The following SLC12A7 variants were observed in gnomAD, a reference collection of about 807,000 sequenced individuals.
SLC12A7 encodes K-Cl cotransporter 4.
SLC12A7 carries 100 observed loss-of-function variants against 120.6 expected under a neutral mutation model. That is an observed-to-expected ratio of 0.83 (90% confidence interval 0.71 to 0.98). SLC12A7 has a LOEUF of 0.98. Ranked by LOEUF, SLC12A7 falls within the 50% of genes least tolerant of loss-of-function variation. The probability of loss-of-function intolerance (pLI) is 0.00; values close to 1 mark genes in which losing one functional copy is unlikely to be tolerated. For missense variants in SLC12A7, 1,373 were observed against 1,548.1 expected, an observed-to-expected ratio of 0.89 and a Z score of 1.90; for synonymous variants, 760 against 678.0, an observed-to-expected ratio of 1.12 and a Z score of -1.88.
Position 1,076,256 on chromosome 5 carries a change from C to G in SLC12A7, c.1749-20G>C, listed in dbSNP as rs770116451. ...AAGAACCTGCAGGGACGGCCGGCCA[C>G]TGATACGGGCCCACTGGGCCCCCCT... On this transcript the variant is annotated intron_variant, in intron 13 of 23. Transcript: ENST00000264930. 1 of 1,584,264 alleles carries G rather than the reference C, an allele frequency of 6.3e-7. No individual in the cohort carries two copies. Among genetic ancestry groups the G allele is most frequent in the Admixed American group, 1.8e-5 (1 of 56,600 alleles).
the SLC12A7 span, among the ~76,000 whole-genome samples, chr5:1,132,261 C>T: frequency 1.1e-4 from 17 of 152,260 alleles, 1 homozygote; most frequent in South Asian, 1.9e-3. Context: ...GGGAAGCTAC[C>T]CTCTATGGCC....
chr5:1,114,721 G>C (rs1056883889), upstream of SLC12A7, among the ~76,000 whole-genome samples: 1 of 152,132 alleles, frequency 6.6e-6, no homozygotes, highest in African/African-American at 2.4e-5. Context: ...CTGGAGCCAG[G>C]GGACTGCTGG....
chr5:1,132,329 A>G, the SLC12A7 span, among the ~76,000 whole-genome samples: 22 of 152,298 alleles, frequency 1.4e-4, no homozygotes, highest in East Asian at 4.3e-3. Context: ...TGGAAAATTC[A>G]TGAAAAATCC....
At chr5:1,066,206 T>C (rs1184278592) in intron 17 of SLC12A7, among the ~76,000 whole-genome samples, 1 of 152,162 alleles carries the variant, frequency 6.6e-6, no homozygotes, top group Non-Finnish European at 1.5e-5. Context: ...CACCTGATTC[T>C]CCCTTTTGGA....
the SLC12A7 span, among the ~76,000 whole-genome samples, chr5:1,141,522 G>C: frequency 3.3e-5 from 5 of 152,222 alleles, no homozygotes; most frequent in African/African-American, 4.8e-5. Flanking sequence ...CCCCTGGCTT[G>C]TTTTCTGTAT....
chr5:1,148,303 T>C, the SLC12A7 span, among the ~76,000 whole-genome samples: 1 of 146,694 alleles, frequency 6.8e-6, no homozygotes, highest in African/African-American at 2.6e-5. Context: ...GCCTCCCAGG[T>C]TCACACCATT....
At chr5:1,153,732 G>A in the SLC12A7 span, among the ~76,000 whole-genome samples, 2 of 152,222 alleles carry the variant, frequency 1.3e-5, no homozygotes, top group Non-Finnish European at 2.9e-5. Flanking sequence ...CCGGCGACCT[G>A]CAGAATCACC....
chr5:1,068,860 C>A (rs1165960492), intron 17 of SLC12A7, among the ~76,000 whole-genome samples: 2 of 152,264 alleles, frequency 1.3e-5, no homozygotes, highest in Admixed American at 6.5e-5. Context: ...GCAATCCCTG[C>A]CCTGTCCCTC....
chr5:1,063,512 G>A (rs900537812), intron 20 of SLC12A7, among the ~76,000 whole-genome samples: 4 of 152,116 alleles, frequency 2.6e-5, no homozygotes, highest in Non-Finnish European at 4.4e-5. Flanking sequence ...CAACACACGG[G>A]GCTCTGTGCT....
chr5:1,140,583 G>T, the SLC12A7 span, among the ~76,000 whole-genome samples: 3 of 152,230 alleles, frequency 2.0e-5, no homozygotes, highest in African/African-American at 7.2e-5. Flanking sequence ...TGGGGTTCAG[G>T]ACGGTGCCAG....
chr5:1,094,048 T>C, intron 2 of SLC12A7, 106 bp downstream of exon 2: 1 of 812,448 alleles, frequency 1.2e-6, no homozygotes, highest in Non-Finnish European at 2.1e-6. Context: ...CCACGTGGTG[T>C]CCAGTCCTGT....
At position 1,051,349 on chromosome 5, in the gene SLC12A7, G is replaced by C. The variant is rs1338582012; in HGVS notation, c.*1011C>G. ...GCACCGGGGTGGGGATGGCACGTGT[G>C]AGCCAGCTCAGAGGCTGAACTGTGT... On this transcript the variant is annotated 3_prime_UTR_variant, in exon 24 of 24. Transcript: ENST00000264930. The C allele has an allele frequency of 7.0e-6, 1 of 143,396 alleles. No homozygotes were observed. Among genetic ancestry groups the C allele is most frequent in the Non-Finnish European group, 1.5e-5 (1 of 65,142 alleles). The allele number at this position is 143,396 out of a possible 1,614,324, so 8.9% of individuals were successfully genotyped here.
In SLC12A7 at chr5:1,079,299, C is replaced by G. The variant is rs1738729232; in HGVS notation, c.1396+99G>C. 24 of 916,490 alleles carry G rather than the reference C, an allele frequency of 2.6e-5. No individual in the cohort carries two copies. In the Admixed American group the frequency reaches 4.3e-4, roughly 16 times the overall value. The allele number at this position is 916,490 out of a possible 1,614,324, so 56.8% of individuals were successfully genotyped here. ...GAGCACAGCCTAACCTGGGAAGTCA[C>G]ATGCTGGTGGCCGAGGGTATGATGC... On this transcript the variant is annotated intron_variant, in intron 10 of 23. Transcript: ENST00000264930.
chr5:1,125,070 G>C, the SLC12A7 span, among the ~76,000 whole-genome samples: 1 of 152,272 alleles, frequency 6.6e-6, no homozygotes, highest in South Asian at 2.1e-4. Flanking sequence ...CAGCTATGTG[G>C]AAATGCACCC....
At chr5:1,087,743 G>C (rs528451546) in intron 5 of SLC12A7, among the ~76,000 whole-genome samples, 1 of 152,382 alleles carries the variant, frequency 6.6e-6, no homozygotes, top group East Asian at 1.9e-4. Flanking sequence ...CATGCACTCA[G>C]AAGCAGACGT....
chr5:1,115,913 A>G (rs1743302980), upstream of SLC12A7, among the ~76,000 whole-genome samples: 1 of 143,272 alleles, frequency 7.0e-6, no homozygotes, highest in South Asian at 2.1e-4. Flanking sequence ...ACCCAAGGCT[A>G]AAGTGATTTT....
intron 23 of SLC12A7, 73 bp from the exon 24 acceptor site, chr5:1,052,524 G>A (rs1735155612): frequency 6.5e-6 from 8 of 1,236,692 alleles, no homozygotes; most frequent in South Asian, 6.1e-5. Flanking sequence ...ATAGGAGTGA[G>A]GTTTATCCTC....
In SLC12A7 at chr5:1,076,688, G is replaced by A. The variant is rs1020679625; in HGVS notation, c.1748+6C>T. 6.2e-7 allele frequency: 1 copy of A among 1,601,638 alleles called. No homozygotes were observed. Among genetic ancestry groups the A allele is most frequent in the Non-Finnish European group, 8.5e-7 (1 of 1,172,106 alleles). On this transcript the variant is annotated splice_donor_region_variant and intron_variant, in intron 13 of 23. Coordinates refer to ENST00000264930, the MANE Select transcript of SLC12A7 (RefSeq NM_006598.3). ...ATCCCCAGGTCCCCGTCCTGTGGGG[G>A]CTCACATGGAGAGGATCGGGGCCAC...
intron 22 of SLC12A7, among the ~76,000 whole-genome samples, chr5:1,055,075 C>T (rs919337504): frequency 5.3e-5 from 8 of 152,132 alleles, no homozygotes; most frequent in Admixed American, 3.3e-4. Context: ...AGTATGCCGG[C>T]CGCCACAGCA....
Sources: gnomAD v4.1 joint callset for allele counts (sites outside exome capture counted in the v4.1 genomes callset) on GRCh38, gnomAD v4.1.1 for gene constraint, MANE v1.5 for transcripts, NCBI Gene and HGNC (gene_info 2026-07-23, HGNC 2026-07-21) for gene names.